The following MEGF6 variants were observed in gnomAD, a reference collection of about 807,000 sequenced individuals.
MEGF6 encodes the protein multiple EGF like domains 6, also known as multiple epidermal growth factor-like domains protein 6.
MEGF6 carries 184 observed loss-of-function variants against 207.1 expected under a neutral mutation model. The observed-to-expected ratio is 0.89, with a 90% confidence interval of 0.79 to 1.00. The LOEUF is 1.00. Ranked by LOEUF, MEGF6 falls within the 50% of genes least tolerant of loss-of-function variation. MEGF6 has a pLI of 0.00. For synonymous variants in MEGF6, 1,038 were observed against 910.0 expected (o/e 1.14, Z -2.53); for missense variants, 2,282 against 2,202.9 (o/e 1.04, Z -0.72).
chr1:3,566,047 A>AC (rs1643335352), intron 4 of MEGF6, among the ~76,000 whole-genome samples: 1 of 151,702 alleles, frequency 6.6e-6, no homozygotes, highest in African/African-American at 2.4e-5. Flanking sequence ...GAAGACATTG[A>AC]CCCCTGAGGC....
At position 3,560,270 on chromosome 1, in the gene MEGF6, G is replaced by C. The variant is rs1643159651; in HGVS notation, c.481+19555C>G. Among the ~76,000 whole-genome samples, 1 of 152,120 alleles carries C rather than the reference G, an allele frequency of 6.6e-6. No homozygotes were observed. Among genetic ancestry groups the C allele is most frequent in the Non-Finnish European group, 1.5e-5 (1 of 68,016 alleles). On this transcript the variant is annotated intron_variant, in intron 4 of 36. Coordinates refer to ENST00000356575, the MANE Select transcript of MEGF6 (RefSeq NM_001409.4). The surrounding 1 kb of genome is among the most constrained non-coding windows in gnomAD (Gnocchi z 4.0). ...GTATCATTCAATCCTCCATTGGAAT[G>C]ACCGCTTGGTACAGCGGACGAGCCC...
At chr1:3,552,395 G>A (rs1488461436) in intron 4 of MEGF6, among the ~76,000 whole-genome samples, 2 of 152,236 alleles carry the variant, frequency 1.3e-5, no homozygotes, top group Non-Finnish European at 2.9e-5. Context: ...AGCCAAGAAA[G>A]CGCTGAGGCA....
intron 1 of MEGF6, among the ~76,000 whole-genome samples, chr1:3,603,064 C>T (rs1250144816): frequency 6.6e-6 from 1 of 152,174 alleles, no homozygotes; most frequent in African/African-American, 2.4e-5. Flanking sequence ...CGGGCCCATC[C>T]CCTGTGAAGT....
In MEGF6 at chr1:3,500,555, TTGTG is replaced by T. The variant is rs1226792792; in HGVS notation, c.2707+74_2707+77del. 4 of 1,469,800 alleles carry T rather than the reference TTGTG, an allele frequency of 2.7e-6. No individual in the cohort carries two copies. In the African/African-American group the frequency reaches 4.2e-5, roughly 15 times the overall value. The allele number at this position is 1,469,800 out of a possible 1,614,324, so 91.0% of individuals were successfully genotyped here. On this transcript the variant is annotated intron_variant, in intron 21 of 36. Transcript: ENST00000356575. ...GCAGGAGGGAGTACGGTCAAAGGCTTTGTGTGTGTGCACGTGTGCATATGTGTGC... is the reference window on the plus strand; with the variant it reads ...GCAGGAGGGAGTACGGTCAAAGGCTTTGTGTGCACGTGTGCATATGTGTGC...
intron 14 of MEGF6, 152 bp downstream of exon 14, chr1:3,507,643 G>A: frequency 1.1e-6 from 1 of 937,360 alleles, no homozygotes; most frequent in Non-Finnish European, 1.7e-6. Flanking sequence ...AGACAGGGAG[G>A]CAGGAAGGAA....
chr1:3,516,047 C>T (rs545837973), intron 5 of MEGF6, among the ~76,000 whole-genome samples: 3 of 152,326 alleles, frequency 2.0e-5, no homozygotes, highest in Admixed American at 2.0e-4. Flanking sequence ...ACAGGCTTGG[C>T]CCCCAGTTCC....
chr1:3,497,433 G>A (rs12725009), intron 26 of MEGF6, 72 bp from the exon 27 acceptor site: 17,546 of 1,447,624 alleles, frequency 0.012, 139 homozygotes, highest in South Asian at 0.016. Context: ...GACAGGCCGG[G>A]AGCAGGTGCT....
intron 4 of MEGF6, among the ~76,000 whole-genome samples, chr1:3,532,863 GC>G (rs1642220524): frequency 6.6e-6 from 1 of 152,230 alleles, no homozygotes; most frequent in South Asian, 2.1e-4. Context: ...TTCTGGGGAT[GC>G]AGTGCCATCC....
At chr1:3,597,054 C>T (rs1020562518) in intron 2 of MEGF6, among the ~76,000 whole-genome samples, 5 of 152,324 alleles carry the variant, frequency 3.3e-5, no homozygotes, top group South Asian at 4.1e-4. Flanking sequence ...CTGGTCGGCC[C>T]GCGGACCCCG....
Position 3,499,483 on chromosome 1 carries a change from C to T in MEGF6, c.2965+105G>A, listed in dbSNP as rs1569951413. On this transcript the variant is annotated intron_variant, in intron 23 of 36. Coordinates refer to ENST00000356575, the MANE Select transcript of MEGF6 (RefSeq NM_001409.4). Reference sequence around the variant, plus strand: ...CAAAGCATCACTCTCAGGGGGGTTGCCTGGTAGCTTCAGACACTCAGGACA... The same window carrying T: ...CAAAGCATCACTCTCAGGGGGGTTGTCTGGTAGCTTCAGACACTCAGGACA... The T allele has an allele frequency of 9.4e-6, 14 of 1,492,802 alleles. No homozygotes were observed. In the East Asian group the frequency reaches 3.5e-4, roughly 37 times the overall value. 92.5% of individuals were successfully genotyped at this position (1,492,802 alleles called of 1,614,324 possible).
chr1:3,519,262 G>A (rs921484610), intron 5 of MEGF6, among the ~76,000 whole-genome samples: 1 of 152,276 alleles, frequency 6.6e-6, no homozygotes, highest in African/African-American at 2.4e-5. Flanking sequence ...CACTGGCCAA[G>A]GTGACAGGTG....
At chr1:3,561,431 G>A (rs990646553) in intron 4 of MEGF6, among the ~76,000 whole-genome samples, 8 of 152,190 alleles carry the variant, frequency 5.3e-5, no homozygotes, top group Non-Finnish European at 1.2e-4. Flanking sequence ...GGGTCACCCC[G>A]CTGGACCAGA....
chr1:3,528,789 G>C (rs2821068), intron 4 of MEGF6, among the ~76,000 whole-genome samples: 103,109 of 151,984 alleles, frequency 0.68, 35,142 homozygotes, highest in East Asian at 0.88. Flanking sequence ...GAGACAGACT[G>C]TCCCCTAGAG....
chr1:3,578,880 C>T (rs1643721166), intron 4 of MEGF6, among the ~76,000 whole-genome samples: 1 of 152,214 alleles, frequency 6.6e-6, no homozygotes, highest in Non-Finnish European at 1.5e-5. Context: ...CTCTGCAGAA[C>T]CCCTCCTCAG....
intron 4 of MEGF6, among the ~76,000 whole-genome samples, chr1:3,563,455 C>A (rs1425537892): frequency 2.6e-5 from 4 of 152,182 alleles, no homozygotes; most frequent in Non-Finnish European, 4.4e-5. Context: ...ACAGCTGGGG[C>A]AGGGGATGTC....
At chr1:3,606,657 C>T (rs1446510580) in intron 1 of MEGF6, among the ~76,000 whole-genome samples, 1 of 152,230 alleles carries the variant, frequency 6.6e-6, no homozygotes, top group African/African-American at 2.4e-5. Flanking sequence ...TCACTTGTAC[C>T]TGGAAAGTGG....
intron 35 of MEGF6, among the ~76,000 whole-genome samples, 179 bp from the exon 36 acceptor site, chr1:3,491,138 G>A (rs1042414818): frequency 2.7e-5 from 4 of 149,566 alleles, no homozygotes; most frequent in South Asian, 2.1e-4. Context: ...TGGGGGGGGG[G>A]GCTCTCCCTC....
chr1:3,590,846 G>T (rs535275801), intron 3 of MEGF6, among the ~76,000 whole-genome samples: 1 of 152,148 alleles, frequency 6.6e-6, no homozygotes, highest in African/African-American at 2.4e-5. Flanking sequence ...AAGAGTGAGC[G>T]TCTGTCCTGC....
At chr1:3,577,608 G>A (rs1034646029) in intron 4 of MEGF6, among the ~76,000 whole-genome samples, 6 of 152,232 alleles carry the variant, frequency 3.9e-5, no homozygotes, top group Non-Finnish European at 7.4e-5. Flanking sequence ...TCTGCGGTGC[G>A]TTCCCACGGT....
Sources: allele counts gnomAD v4.1 joint callset (sites outside exome capture counted in the v4.1 genomes callset), GRCh38; gene constraint gnomAD v4.1.1; non-coding constraint Gnocchi (gnomAD v3.1); transcripts MANE v1.5; gene names NCBI Gene and HGNC (gene_info 2026-07-23, HGNC 2026-07-21).